The following LYN variants were observed in gnomAD, a reference collection of about 807,000 sequenced individuals.
The protein encoded by LYN is LYN proto-oncogene, Src family tyrosine kinase, also known as tyrosine-protein kinase Lyn.
In LYN, 12 loss-of-function variants were observed where a neutral mutation model predicts 65.0. The observed-to-expected ratio is 0.18, with a 90% CI of 0.12 to 0.30. The LOEUF is 0.30. Ranked by LOEUF, LYN falls within the 10% of genes least tolerant of loss-of-function variation. The pLI is 1.00. For missense variants in LYN, 380 were observed against 623.2 expected, an observed-to-expected ratio of 0.61 and a Z score of 4.16; for synonymous variants, 222 against 221.2, an observed-to-expected ratio of 1.00 and a Z score of -0.03.
At position 55,939,601 on chromosome 8, in the gene LYN, G is replaced by A. The variant is rs370914892; in HGVS notation, c.-5-2254G>A. On this transcript the variant is annotated intron_variant, in intron 1 of 12. Transcript: ENST00000519728. ...CTCAGTCAGGGCTCGGTCCGTGCTGGGAGGGAGCTGGATCGAGCGGCCCGG... is the reference window on the plus strand; with the variant it reads ...CTCAGTCAGGGCTCGGTCCGTGCTGAGAGGGAGCTGGATCGAGCGGCCCGG... Among the ~76,000 whole-genome samples, 515 of 152,318 alleles carry A rather than the reference G, an allele frequency of 3.4e-3. 3 individuals are homozygous for A. The highest frequency in any genetic ancestry group is 0.011 in the African/African-American group (457 of 41,578).
chr8:56,003,062 GT>G lies in LYN; in HGVS notation c.1336+3528del, dbSNP rs749463299. Among the ~76,000 whole-genome samples, 1,343 of 136,780 alleles carry G rather than the reference GT, an allele frequency of 9.8e-3. 18 individuals are homozygous for G. Among genetic ancestry groups the G allele is most frequent in the African/African-American group, 0.031 (1,156 of 37,584 alleles). 89.7% of individuals were successfully genotyped at this position (136,780 alleles called of 152,430 possible). Reference sequence around the variant, plus strand: ...ACTGCTGGCTATGTTTTTGTTTTTTGTTTTTTTTTTTTTTTGAGACAGAATC... The same window carrying G: ...ACTGCTGGCTATGTTTTTGTTTTTTGTTTTTTTTTTTTTTGAGACAGAATC... On this transcript the variant is annotated intron_variant, in intron 12 of 12. Transcript: ENST00000519728.
In LYN at chr8:55,883,627, G is replaced by A. The variant is rs144353246; in HGVS notation, c.-6+3524G>A. 1.8e-3 allele frequency among the ~76,000 whole-genome samples: 267 copies of A among 152,366 alleles called. 2 individuals carry two copies. Among genetic ancestry groups the A allele is most frequent in the African/African-American group, 6.0e-3 (251 of 41,590 alleles). Reference sequence around the variant, plus strand: ...GGACTTTCCCCGACCTGTGCTGGGAGTGTCTCCCTGTAAACTTTGCCAACC... The same window carrying A: ...GGACTTTCCCCGACCTGTGCTGGGAATGTCTCCCTGTAAACTTTGCCAACC... On this transcript the variant is annotated intron_variant, in intron 1 of 12. Coordinates refer to ENST00000519728, the MANE Select transcript of LYN (RefSeq NM_002350.4).
chr8:55,960,131 G>T (rs991462125), intron 8 of LYN, among the ~76,000 whole-genome samples: 1 of 152,074 alleles, frequency 6.6e-6, no homozygotes, highest in African/African-American at 2.4e-5. Flanking sequence ...AATAACTGAT[G>T]AACTATATAC....
intron 1 of LYN, among the ~76,000 whole-genome samples, chr8:55,904,533 A>G (rs947014908): frequency 1.3e-5 from 2 of 152,152 alleles, no homozygotes; most frequent in African/African-American, 2.4e-5. Flanking sequence ...GCATGGAATT[A>G]TGATGCCACA....
chr8:55,909,514 T>C (rs1170854122), intron 1 of LYN, among the ~76,000 whole-genome samples: 1 of 152,246 alleles, frequency 6.6e-6, no homozygotes, highest in African/African-American at 2.4e-5. Context: ...GATGGACATT[T>C]AGGTTGGTTG....
intron 1 of LYN, among the ~76,000 whole-genome samples, chr8:55,936,586 G>T (rs1806443900): frequency 6.6e-6 from 1 of 152,222 alleles, no homozygotes; most frequent in East Asian, 1.9e-4. Context: ...TTTGCAGTGA[G>T]CAGAGATCGC....
At chr8:55,969,105 A>G (rs1054211431) in intron 9 of LYN, among the ~76,000 whole-genome samples, 1 of 152,084 alleles carries the variant, frequency 6.6e-6, no homozygotes, top group Non-Finnish European at 1.5e-5. Flanking sequence ...ACATGGTGAA[A>G]TCCTATCTCT....
intron 1 of LYN, among the ~76,000 whole-genome samples, chr8:55,901,491 A>G (rs1283964602): frequency 6.6e-6 from 1 of 152,176 alleles, no homozygotes; most frequent in Non-Finnish European, 1.5e-5. Flanking sequence ...CTTCTTTTGC[A>G]CACCTGTGGC....
chr8:55,937,814 G>A (rs925206633), intron 1 of LYN, among the ~76,000 whole-genome samples: 4 of 152,156 alleles, frequency 2.6e-5, no homozygotes, highest in Admixed American at 6.5e-5. Flanking sequence ...TCCTGCCTCA[G>A]GCTCCTGAGA....
intron 12 of LYN, 144 bp from the exon 13 acceptor site, chr8:56,009,764 G>A (rs1342034945): frequency 3.0e-6 from 2 of 666,110 alleles, no homozygotes. Context: ...GGAGGATGCT[G>A]TTCAACCCCT....
intron 1 of LYN, among the ~76,000 whole-genome samples, chr8:55,894,690 A>C (rs1805042955): frequency 6.6e-6 from 1 of 151,570 alleles, no homozygotes; most frequent in Non-Finnish European, 1.5e-5. Flanking sequence ...CTGCCACCAT[A>C]CCCAGCTAAT....
chr8:55,974,774 T>C (rs1807707807), intron 10 of LYN, among the ~76,000 whole-genome samples: 2 of 152,208 alleles, frequency 1.3e-5, no homozygotes, highest in Admixed American at 1.3e-4. Context: ...AATCAACTGC[T>C]TTATCTTCAA....
intron 8 of LYN, among the ~76,000 whole-genome samples, chr8:55,960,284 T>A (rs931878573): frequency 1.3e-5 from 2 of 152,156 alleles, no homozygotes; most frequent in Non-Finnish European, 2.9e-5. Flanking sequence ...TAGTACAACA[T>A]CACTACCAGG....
chr8:55,905,271 G>C (rs143505781), intron 1 of LYN, among the ~76,000 whole-genome samples: 2 of 152,100 alleles, frequency 1.3e-5, no homozygotes, highest in Non-Finnish European at 2.9e-5. Flanking sequence ...AATTAGCCAG[G>C]CGTGGTGGCA....
intron 1 of LYN, among the ~76,000 whole-genome samples, chr8:55,909,696 T>A (rs138091175): frequency 5.9e-5 from 9 of 152,356 alleles, no homozygotes; most frequent in African/African-American, 1.2e-4. Flanking sequence ...ACAGTAGTTG[T>A]ACTAATTTGT....
At chr8:55,936,037 A>G (rs1806425155) in intron 1 of LYN, among the ~76,000 whole-genome samples, 1 of 152,206 alleles carries the variant, frequency 6.6e-6, no homozygotes, top group Non-Finnish European at 1.5e-5. Context: ...AAGAAGGACA[A>G]TTAAAGGGTA....
intron 1 of LYN, among the ~76,000 whole-genome samples, chr8:55,906,351 G>A (rs1805418473): frequency 6.6e-6 from 1 of 151,838 alleles, no homozygotes; most frequent in African/African-American, 2.4e-5. Context: ...GTTTTGTTTT[G>A]TTTTGTTTTG....
chr8:55,948,786 C>T (rs764464934), intron 4 of LYN, among the ~76,000 whole-genome samples: 2 of 152,154 alleles, frequency 1.3e-5, no homozygotes, highest in African/African-American at 2.4e-5. Context: ...CTTGACAAGA[C>T]CCTTAAACTT....
At position 55,928,118 on chromosome 8, in the gene LYN, A is replaced by G. The variant is rs1297399283; in HGVS notation, c.-5-13737A>G. Among the ~76,000 whole-genome samples, 5 of 152,112 alleles carry G rather than the reference A, an allele frequency of 3.3e-5. No homozygotes were observed. The East Asian group carries it at 9.6e-4, about 29-fold the overall frequency. ...GATTTTTCCTGTTTAATAGGTATAT[A>G]GTAGTAGAGTATATCTCATTGTTGC... On this transcript the variant is annotated intron_variant, in intron 1 of 12. Coordinates refer to ENST00000519728, the MANE Select transcript of LYN (RefSeq NM_002350.4).
Sources: gnomAD v4.1 joint callset for allele counts (sites outside exome capture counted in the v4.1 genomes callset) on GRCh38, gnomAD v4.1.1 for gene constraint, MANE v1.5 for transcripts, NCBI Gene and HGNC (gene_info 2026-07-23, HGNC 2026-07-21) for gene names.